Variants in RIOK2 observed in about 807,000 individuals in gnomAD.
RIOK2 encodes the protein RIO kinase 2.
Under a neutral mutation model 62.4 loss-of-function variants are expected in RIOK2, and 46 were observed. That is an observed-to-expected ratio of 0.74 (90% CI 0.58 to 0.94). RIOK2 has a LOEUF of 0.94. RIOK2 is among the 40% of genes least tolerant of loss of function. RIOK2 has a pLI of 0.00. For missense variants in RIOK2, 574 were observed against 658.0 expected (o/e 0.87, Z 1.40); for synonymous variants, 197 against 216.0 (o/e 0.91, Z 0.77).
At chr5:97,174,372 A>T (rs548513632) in intron 4 of RIOK2, among the ~76,000 whole-genome samples, 2 of 152,340 alleles carry the variant, frequency 1.3e-5, no homozygotes, top group Non-Finnish European at 2.9e-5. Context: ...GTGAGTTGAT[A>T]TCGTGCCACT....
At chr5:97,166,376 A>G (rs1215157284) in intron 8 of RIOK2, 1 of 440,484 alleles carries the variant, frequency 2.3e-6, no homozygotes, top group Admixed American at 2.5e-5. Context: ...ACACAGCTAT[A>G]TGAAAAAGGA....
Position 97,163,139 on chromosome 5 carries a change from A to G in RIOK2, c.1581T>C (p.Asn527=). The change falls in exon 10 of 10, where the codon AAT becomes AAC. Residue 527 remains asparagine, a synonymous_variant. Transcript: ENST00000283109. ...TTTCCCTACGTTGCTTGGTAAATAT[A>G]TTTGCTTCTCCTTTCTGCAATCGAC... is the stretch of plus-strand genomic sequence containing the variant. ...VRRRLQKGEA[N]IFTKQRRENM... is the part of the protein sequence containing the mutation. 1.9e-6 allele frequency: 3 copies of G among 1,613,530 alleles called. No homozygotes were observed. Among genetic ancestry groups the G allele is most frequent in the Non-Finnish European group, 2.5e-6 (3 of 1,179,816 alleles).
chr5:97,180,124 A>ATG lies in RIOK2; in HGVS notation c.67-933_67-932dup, dbSNP rs202016921. Among the ~76,000 whole-genome samples, 109 of 38,998 alleles carry ATG rather than the reference A, an allele frequency of 2.8e-3. 1 individual carries two copies. Among genetic ancestry groups the ATG allele is most frequent in the South Asian group, 6.0e-3 (6 of 1,002 alleles). The allele number at this position is 38,998 out of a possible 152,430, so 25.6% of individuals were successfully genotyped here. Reference sequence around the variant, plus strand: ...CCTACATGCTCTTCTGCATGTGTATATGTATATATATATATATGTATATAT... The same window carrying ATG: ...CCTACATGCTCTTCTGCATGTGTATATGTGTATATATATATATATGTATATAT... On this transcript the variant is annotated intron_variant, in intron 1 of 9. Coordinates refer to ENST00000283109, the MANE Select transcript of RIOK2 (RefSeq NM_018343.3).
intron 4 of RIOK2, among the ~76,000 whole-genome samples, chr5:97,174,008 T>C (rs534027372): frequency 6.6e-6 from 1 of 152,358 alleles, no homozygotes; most frequent in East Asian, 1.9e-4. Context: ...CAACATATAC[T>C]TGTAAGGAGG....
intron 4 of RIOK2, chr5:97,175,871 ATAT>A (rs1749149439): frequency 6.6e-6 from 1 of 152,192 alleles, no homozygotes; most frequent in Admixed American, 6.5e-5. Flanking sequence ...TTTAATTTGG[ATAT>A]TATTATATTT....
In RIOK2 at chr5:97,163,020, CT is replaced by C. The variant is rs750650402; in HGVS notation, c.*40del. The C allele has an allele frequency of 5.3e-6, 8 of 1,517,176 alleles. No individual in the cohort carries two copies. In the South Asian group the frequency reaches 9.8e-5, roughly 19 times the overall value. 94.0% of individuals were successfully genotyped at this position (1,517,176 alleles called of 1,614,324 possible). A position where few individuals can be genotyped will look rare whatever the true frequency, so the allele number is the denominator to read the frequency against. On this transcript the variant is annotated 3_prime_UTR_variant, in exon 10 of 10. Transcript: ENST00000283109. ...AGGGCTCAAAAAGGAATTACAGTAACTTTAAAAAATATATTAAACATATCCA... is the reference window on the plus strand; with the variant it reads ...AGGGCTCAAAAAGGAATTACAGTAACTTAAAAAATATATTAAACATATCCA...
intron 6 of RIOK2, among the ~76,000 whole-genome samples, chr5:97,171,002 A>G (rs903101075): frequency 7.0e-6 from 1 of 142,218 alleles, no homozygotes; most frequent in Non-Finnish European, 1.5e-5. Flanking sequence ...AAAAAAAAAA[A>G]TACAAAAAAT....
At chr5:97,182,406 T>C (rs1299033665) in intron 1 of RIOK2, among the ~76,000 whole-genome samples, 1 of 152,226 alleles carries the variant, frequency 6.6e-6, no homozygotes, top group Non-Finnish European at 1.5e-5. Flanking sequence ...CTGTTTCCTC[T>C]GCCTCCAACT....
rs151329167 is a variant in RIOK2, at chr5:97,165,906, C to T, written c.1398-759G>A. ...ATTAACTTGGGTGTGTCTTTGAGGG[C>T]GTTTCTGAATCAATAAACTGAGTAT... On this transcript the variant is annotated intron_variant, in intron 8 of 9. Transcript: ENST00000283109. Among the ~76,000 whole-genome samples the T allele has an allele frequency of 1.1e-3, 166 of 152,268 alleles. 1 individual carries two copies. Among genetic ancestry groups the T allele is most frequent in the African/African-American group, 3.4e-3 (142 of 41,550 alleles).
At position 97,183,111 on chromosome 5, in the gene RIOK2, C is replaced by G. The variant is rs1253522184; in HGVS notation, c.66+15G>C. ...TGTTAAGGGGAAGGGAGAACAGGAA[C>G]GGCGGGTTTCTTACCGCGGTCAAGA... On this transcript the variant is annotated intron_variant, in intron 1 of 9. Coordinates refer to ENST00000283109, the MANE Select transcript of RIOK2 (RefSeq NM_018343.3). 2 of 1,613,966 alleles carry G rather than the reference C, an allele frequency of 1.2e-6. No homozygotes were observed. Among genetic ancestry groups the G allele is most frequent in the South Asian group, 2.2e-5 (2 of 91,078 alleles).
intron 6 of RIOK2, among the ~76,000 whole-genome samples, chr5:97,169,528 G>C (rs1304296163): frequency 1.3e-5 from 2 of 152,126 alleles, no homozygotes; most frequent in Admixed American, 6.5e-5. Flanking sequence ...TTCCAGACAA[G>C]GGAGAATTAA....
chr5:97,172,981 T>C (rs1373942683), intron 5 of RIOK2, among the ~76,000 whole-genome samples, 194 bp downstream of exon 5: 1 of 152,202 alleles, frequency 6.6e-6, no homozygotes, highest in African/African-American at 2.4e-5. Context: ...AATGAATGAA[T>C]GAATCACAGA....
At chr5:97,168,948 C>T in intron 6 of RIOK2, 96 bp from the exon 7 acceptor site, 3 of 594,568 alleles carry the variant, frequency 5.0e-6, no homozygotes, top group Middle Eastern at 2.8e-4. Flanking sequence ...TGGTATTGCT[C>T]CTCCTTACAC....
intron 4 of RIOK2, among the ~76,000 whole-genome samples, chr5:97,173,527 T>A (rs1490611997): frequency 6.6e-6 from 1 of 152,148 alleles, no homozygotes; most frequent in African/African-American, 2.4e-5. Flanking sequence ...TGTGCTGGGG[T>A]TACAAAAATG....
intron 4 of RIOK2, among the ~76,000 whole-genome samples, chr5:97,176,473 C>T (rs1373952608): frequency 6.6e-6 from 1 of 152,160 alleles, no homozygotes; most frequent in Non-Finnish European, 1.5e-5. Context: ...TCCCAAGTAG[C>T]TGGGATTACA....
At chr5:97,168,910 A>G (rs949280887) in intron 6 of RIOK2, 58 bp from the exon 7 acceptor site, 1 of 1,022,046 alleles carries the variant, frequency 9.8e-7, no homozygotes, top group Admixed American at 2.4e-5. Context: ...TTTCCTTATT[A>G]GCCAATGACA....
chr5:97,171,491 T>A (rs1749008342), intron 5 of RIOK2, 94 bp from the exon 6 acceptor site: 6 of 785,398 alleles, frequency 7.6e-6, no homozygotes, highest in Non-Finnish European at 1.1e-5. Context: ...ATTATTTCCA[T>A]GCTGTGTATC....
At chr5:97,168,921 A>G in intron 6 of RIOK2, 69 bp from the exon 7 acceptor site, 1 of 878,296 alleles carries the variant, frequency 1.1e-6, no homozygotes. Context: ...GCCAATGACA[A>G]TATACTTATT....
chr5:97,180,144 A>ATATATATATATG (rs1561522472), intron 1 of RIOK2, among the ~76,000 whole-genome samples: 20 of 57,526 alleles, frequency 3.5e-4, no homozygotes, highest in Admixed American at 9.6e-4. Context: ...ATATATATGT[A>ATATATATATATG]TATATATATA....
Sources: gnomAD v4.1 joint callset for allele counts (sites outside exome capture counted in the v4.1 genomes callset) on GRCh38, gnomAD v4.1.1 for gene constraint, MANE v1.5 for transcripts, NCBI Gene and HGNC (gene_info 2026-07-23, HGNC 2026-07-21) for gene names.